Variants in AP2B1 observed in about 807,000 individuals in gnomAD.
AP2B1 encodes adaptor related protein complex 2 subunit beta 1.
In AP2B1, 23 loss-of-function variants were observed where a neutral mutation model predicts 102.0. That is an observed-to-expected ratio of 0.23 (90% CI 0.16 to 0.32). AP2B1 has a LOEUF of 0.32. AP2B1 is among the 10% of genes least tolerant of loss of function. AP2B1 has a pLI of 1.00. For missense variants in AP2B1, 541 were observed against 1,157.4 expected, an observed-to-expected ratio of 0.47 and a Z score of 7.73; for synonymous variants, 381 against 421.2, an observed-to-expected ratio of 0.90 and a Z score of 1.17.
chr17:35,615,729 A>G (rs1235171912), intron 5 of AP2B1, among the ~76,000 whole-genome samples: 1 of 152,238 alleles, frequency 6.6e-6, no homozygotes, highest in African/African-American at 2.4e-5. Context: ...TACTTTTCAT[A>G]TCAAATGTCC....
intron 14 of AP2B1, chr17:35,659,975 A>G (rs1259015126): frequency 4.1e-6 from 4 of 985,298 alleles, no homozygotes; most frequent in Non-Finnish European, 4.8e-6. Context: ...ATGAGTTTCT[A>G]AGGCGGCAGT....
At chr17:35,588,606 G>T (rs545792050) in intron 1 of AP2B1, 1 of 152,228 alleles carries the variant, frequency 6.6e-6, no homozygotes, top group Non-Finnish European at 1.5e-5. Flanking sequence ...TACCTTCCTT[G>T]TATACTTCAA....
intron 5 of AP2B1, among the ~76,000 whole-genome samples, chr17:35,616,240 C>T (rs1457594917): frequency 1.4e-5 from 2 of 144,272 alleles, no homozygotes; most frequent in African/African-American, 5.1e-5. Context: ...TCTCGGCTCA[C>T]TGCAAGCTCC....
intron 18 of AP2B1, among the ~76,000 whole-genome samples, chr17:35,686,703 G>A (rs149835047): frequency 4.4e-4 from 67 of 152,272 alleles, no homozygotes; most frequent in African/African-American, 1.5e-3. Context: ...GGTGGCTCAC[G>A]CCTGTAATCC....
intron 21 of AP2B1, among the ~76,000 whole-genome samples, chr17:35,720,563 A>AT: frequency 2.0e-5 from 1 of 49,656 alleles, no homozygotes; most frequent in South Asian, 8.6e-4. Context: ...ATATATATAT[A>AT]TATATATATA....
chr17:35,651,035 G>A (rs2075073552), intron 13 of AP2B1: 1 of 441,508 alleles, frequency 2.3e-6, no homozygotes, highest in Non-Finnish European at 4.1e-6. Context: ...TCCAATCTAG[G>A]AGTACATTAT....
chr17:35,653,433 G>T (rs552807499), intron 13 of AP2B1, among the ~76,000 whole-genome samples: 9 of 152,280 alleles, frequency 5.9e-5, no homozygotes, highest in Admixed American at 5.2e-4. Flanking sequence ...AGCTCTGACT[G>T]CCAGTCCCTT....
intron 18 of AP2B1, among the ~76,000 whole-genome samples, chr17:35,707,344 G>A (rs895844118): frequency 9.2e-5 from 14 of 151,894 alleles, no homozygotes; most frequent in African/African-American, 3.1e-4. Context: ...GTAGAGACAG[G>A]GTTTCACCAT....
At chr17:35,633,613 A>G (rs1024578522) in intron 9 of AP2B1, among the ~76,000 whole-genome samples, 4 of 152,108 alleles carry the variant, frequency 2.6e-5, no homozygotes, top group Non-Finnish European at 4.4e-5. Flanking sequence ...TTTCCGTTTT[A>G]TCTTCTCCCT....
At chr17:35,690,290 A>AT (rs1365808682) in intron 18 of AP2B1, among the ~76,000 whole-genome samples, 3 of 152,026 alleles carry the variant, frequency 2.0e-5, no homozygotes, top group Non-Finnish European at 4.4e-5. Flanking sequence ...TTTCCATTTG[A>AT]TTTTTTGCTG....
intron 16 of AP2B1, among the ~76,000 whole-genome samples, chr17:35,673,245 CTG>C (rs2075628707): frequency 6.6e-6 from 1 of 152,160 alleles, no homozygotes; most frequent in Non-Finnish European, 1.5e-5. Context: ...GAGTCTCACT[CTG>C]TCGCCCAGGC....
intron 5 of AP2B1, among the ~76,000 whole-genome samples, chr17:35,617,876 T>G (rs1377675894): frequency 6.6e-6 from 1 of 152,246 alleles, no homozygotes; most frequent in Admixed American, 6.5e-5. Flanking sequence ...GGCATGCCTT[T>G]TATTTGTTTA....
intron 14 of AP2B1, among the ~76,000 whole-genome samples, chr17:35,665,574 G>A (rs536260151): frequency 2.6e-5 from 4 of 152,290 alleles, no homozygotes; most frequent in Admixed American, 1.3e-4. Flanking sequence ...GGATTTTGAC[G>A]ATAGTTAAGT....
At chr17:35,646,106 A>G (rs1000925857) in intron 12 of AP2B1, among the ~76,000 whole-genome samples, 2 of 152,204 alleles carry the variant, frequency 1.3e-5, no homozygotes, top group Non-Finnish European at 2.9e-5. Context: ...GATGCACATT[A>G]TAGTTTAAGA....
chr17:35,723,821 A>T lies in AP2B1; in HGVS notation c.*122A>T, dbSNP rs1400077010. On this transcript the variant is annotated 3_prime_UTR_variant, in exon 22 of 22. Coordinates refer to ENST00000610402, the MANE Select transcript of AP2B1 (RefSeq NM_001030006.2). ...ACTGAGGCCACCTAGCAAGGTAGTA[A>T]CTAGTCTAACCTGTGCTAACATTAG... 3 of 712,830 alleles carry T rather than the reference A, an allele frequency of 4.2e-6. No homozygotes were observed. The African/African-American group carries it at 5.2e-5, about 12-fold the overall frequency. The allele number at this position is 712,830 out of a possible 1,614,324, so 44.2% of individuals were successfully genotyped here. A position where few individuals can be genotyped will look rare whatever the true frequency, so the allele number is the denominator to read the frequency against.
chr17:35,656,748 G>A (rs927332872), intron 13 of AP2B1, among the ~76,000 whole-genome samples: 7 of 152,070 alleles, frequency 4.6e-5, no homozygotes, highest in Admixed American at 3.9e-4. Flanking sequence ...AGCCGGGCAC[G>A]GTGGTGGGCG....
At chr17:35,612,636 A>C (rs9913875) in intron 5 of AP2B1, among the ~76,000 whole-genome samples, 22,816 of 152,114 alleles carry the variant, frequency 0.15, 2,191 homozygotes, top group East Asian at 0.34. Flanking sequence ...AGGTTATTCC[A>C]TGTTACAGGT....
intron 3 of AP2B1, among the ~76,000 whole-genome samples, chr17:35,604,889 T>C (rs960771637): frequency 6.6e-6 from 1 of 152,226 alleles, no homozygotes; most frequent in Non-Finnish European, 1.5e-5. Flanking sequence ...TCTAAAACTA[T>C]AGAGACCTTG....
intron 5 of AP2B1, chr17:35,621,245 C>T: frequency 1.1e-6 from 1 of 942,998 alleles, no homozygotes; most frequent in Non-Finnish European, 1.3e-6. Flanking sequence ...GTTGCTGTCT[C>T]AAAGTTAGTC....
Sources: allele counts gnomAD v4.1 joint callset (sites outside exome capture counted in the v4.1 genomes callset), GRCh38; gene constraint gnomAD v4.1.1; transcripts MANE v1.5; gene names NCBI Gene and HGNC (gene_info 2026-07-23, HGNC 2026-07-21).